Variants in GALNT13 observed in about 807,000 individuals in gnomAD.
GALNT13 encodes the protein polypeptide N-acetylgalactosaminyltransferase 13, also known as UDP-GalNAc:polypeptide N-acetylgalactosaminyltransferase 13.
In GALNT13, 28 loss-of-function variants were observed where a neutral mutation model predicts 64.2. The ratio of observed to expected loss-of-function variants is 0.44; its 90% CI spans 0.32 to 0.60. The LOEUF (loss-of-function observed/expected upper bound fraction) is 0.60. Ranked by LOEUF, GALNT13 falls within the 20% of genes least tolerant of loss-of-function variation. The pLI, the probability that GALNT13 is intolerant of heterozygous loss-of-function variation, is 0.05. For synonymous variants in GALNT13, 214 were observed against 224.6 expected (o/e 0.95, Z 0.42); for missense variants, 577 against 669.8 (o/e 0.86, Z 1.53).
chr2:153,726,629 T>C, the GALNT13 span, among the ~76,000 whole-genome samples: 1 of 152,138 alleles, frequency 6.6e-6, no homozygotes, highest in African/African-American at 2.4e-5. Flanking sequence ...TTGGCTCATG[T>C]ACCATTTTTT....
At chr2:154,134,187 T>C (rs1193825096) in intron 3 of GALNT13, among the ~76,000 whole-genome samples, 1 of 152,202 alleles carries the variant, frequency 6.6e-6, no homozygotes, top group African/African-American at 2.4e-5. Flanking sequence ...GTTCAATAGT[T>C]AGAATCTGTG....
At chr2:153,798,522 T>C in the GALNT13 span, among the ~76,000 whole-genome samples, 16 of 152,164 alleles carry the variant, frequency 1.1e-4, no homozygotes, top group Non-Finnish European at 2.2e-4. Flanking sequence ...TAATTGCAAA[T>C]TTAATTACAA....
chr2:153,300,947 T>G, the GALNT13 span, among the ~76,000 whole-genome samples: 1 of 152,172 alleles, frequency 6.6e-6, no homozygotes, highest in African/African-American at 2.4e-5. Context: ...CTCATGCCTG[T>G]AATCCCAGCA....
the GALNT13 span, among the ~76,000 whole-genome samples, chr2:153,224,817 G>A: frequency 3.3e-5 from 5 of 152,258 alleles, no homozygotes; most frequent in Admixed American, 3.3e-4. Flanking sequence ...AGCACGAGTA[G>A]CCCTTTACAT....
intron 4 of GALNT13, among the ~76,000 whole-genome samples, chr2:154,207,063 T>C (rs566658774): frequency 1.1e-4 from 16 of 152,284 alleles, no homozygotes; most frequent in Admixed American, 5.9e-4. Context: ...CCAGAGATGA[T>C]TAAATATTTA....
intron 5 of GALNT13, 98 bp from the exon 6 acceptor site, chr2:154,242,597 GCCA>G (rs1441278246): frequency 1.7e-5 from 12 of 714,424 alleles, no homozygotes; most frequent in Non-Finnish European, 2.6e-5. Flanking sequence ...ATAGGAATTG[GCCA>G]CCATTTCTGT....
chr2:154,141,441 T>C (rs1382595378), intron 4 of GALNT13, among the ~76,000 whole-genome samples: 4 of 152,168 alleles, frequency 2.6e-5, no homozygotes, highest in Non-Finnish European at 5.9e-5. Flanking sequence ...ATATCCTTAT[T>C]CTATTAGTTT....
chr2:153,092,787 A>C, the GALNT13 span, among the ~76,000 whole-genome samples: 1 of 152,206 alleles, frequency 6.6e-6, no homozygotes, highest in Admixed American at 6.5e-5. Context: ...AAACAAAGAT[A>C]ATTTAACTTC....
chr2:153,526,907 A>G, the GALNT13 span, among the ~76,000 whole-genome samples: 1 of 152,218 alleles, frequency 6.6e-6, no homozygotes, highest in Admixed American at 6.5e-5. Context: ...TGGTGTAATG[A>G]AGAAGCATCA....
the GALNT13 span, among the ~76,000 whole-genome samples, chr2:153,311,495 G>T: frequency 6.6e-6 from 1 of 152,216 alleles, no homozygotes; most frequent in Non-Finnish European, 1.5e-5. Context: ...AGGAACACGG[G>T]AACAGTTTAG....
chr2:153,088,089 T>C, the GALNT13 span, among the ~76,000 whole-genome samples: 2 of 152,150 alleles, frequency 1.3e-5, no homozygotes, highest in African/African-American at 4.8e-5. Context: ...TCAGACTTTT[T>C]GTGTAGGCAT....
At chr2:153,727,283 A>G in the GALNT13 span, among the ~76,000 whole-genome samples, 672 of 152,292 alleles carry the variant, frequency 4.4e-3, 13 homozygotes, top group East Asian at 0.048. Context: ...TGCTTAACAA[A>G]AGGTTTGTGA....
In GALNT13 at chr2:153,924,997, C is replaced by T. The variant is rs186113543; in HGVS notation, c.-104-19397C>T. 1.0e-3 allele frequency among the ~76,000 whole-genome samples: 159 copies of T among 152,250 alleles called. 1 individual carries two copies. The highest frequency in any genetic ancestry group is 3.5e-3 in the African/African-American group (146 of 41,564). ...TAGATTACAAAAATTTTGTCCCATT[C>T]TGTAGGTTATCTGTTTATTTTGTTG... On this transcript the variant is annotated intron_variant, in intron 2 of 12. Transcript: ENST00000392825.
At chr2:153,467,491 T>C in the GALNT13 span, among the ~76,000 whole-genome samples, 1 of 152,054 alleles carries the variant, frequency 6.6e-6, no homozygotes, top group Non-Finnish European at 1.5e-5. Context: ...GAGAGGAAAA[T>C]GCTGTTTGTA....
At chr2:153,842,783 C>A in the GALNT13 span, among the ~76,000 whole-genome samples, 1 of 152,018 alleles carries the variant, frequency 6.6e-6, no homozygotes. Context: ...ACAGGTAACC[C>A]AGATGCTGTA....
At chr2:153,754,504 G>A in the GALNT13 span, among the ~76,000 whole-genome samples, 2 of 152,092 alleles carry the variant, frequency 1.3e-5, no homozygotes, top group African/African-American at 2.4e-5. Flanking sequence ...TGAAATGACA[G>A]CCTCACAACT....
the GALNT13 span, among the ~76,000 whole-genome samples, chr2:153,367,016 CA>C: frequency 4.0e-5 from 6 of 148,256 alleles, no homozygotes; most frequent in East Asian, 4.0e-4. Context: ...AACAAACAAA[CA>C]AAAAAAAAAC....
chr2:154,133,570 ATATATATATATAT>A (rs1453611698), intron 3 of GALNT13, among the ~76,000 whole-genome samples: 4 of 78,442 alleles, frequency 5.1e-5, no homozygotes, highest in African/African-American at 1.6e-4. Context: ...ATATATATAT[ATATATATATATAT>A]ATCTGAGATG....
chr2:153,882,258 G>T (rs149293833), intron 1 of GALNT13, among the ~76,000 whole-genome samples: 34 of 152,088 alleles, frequency 2.2e-4, no homozygotes, highest in African/African-American at 7.7e-4. Context: ...GCCCCCAAAG[G>T]CCTGAGGCTC....
Sources: allele counts gnomAD v4.1 joint callset (sites outside exome capture counted in the v4.1 genomes callset), GRCh38; gene constraint gnomAD v4.1.1; transcripts MANE v1.5; gene names NCBI Gene and HGNC (gene_info 2026-07-23, HGNC 2026-07-21).